GPHN: variants seen among roughly 807,000 people sequenced by gnomAD.
GPHN encodes gephyrin.
Under a neutral mutation model 95.5 loss-of-function variants are expected in GPHN, and 17 were observed. That is an observed-to-expected ratio of 0.18 (90% CI 0.12 to 0.27). The LOEUF (loss-of-function observed/expected upper bound fraction) is 0.27, where lower values mean the gene tolerates loss of function less well. Among genes scored for constraint, GPHN ranks in the 10% least tolerant of loss-of-function variants. The pLI is 1.00. For missense variants in GPHN, 660 were observed against 978.1 expected (o/e 0.67, Z 4.34); for synonymous variants, 320 against 322.5 (o/e 0.99, Z 0.08).
the GPHN span, chr14:67,374,751 C>A: frequency 2.6e-6 from 1 of 389,640 alleles, no homozygotes; most frequent in Non-Finnish European, 4.6e-6. Flanking sequence ...AGTTGGAATG[C>A]CTCATAAAAT....
the GPHN span, among the ~76,000 whole-genome samples, chr14:67,213,996 AC>A: frequency 1.3e-5 from 2 of 152,096 alleles, no homozygotes; most frequent in Non-Finnish European, 2.9e-5. Flanking sequence ...TCCTTCGCCC[AC>A]TTTTTGATGG....
At chr14:66,688,022 C>G (rs182314416) in intron 2 of GPHN, among the ~76,000 whole-genome samples, 60 of 152,238 alleles carry the variant, frequency 3.9e-4, no homozygotes, top group Middle Eastern at 3.4e-3. Flanking sequence ...TAATTACTAA[C>G]TAATAAGCTA....
chr14:66,757,735 G>A (rs528613672), intron 2 of GPHN, among the ~76,000 whole-genome samples: 55 of 152,224 alleles, frequency 3.6e-4, no homozygotes, highest in Admixed American at 3.5e-3. Flanking sequence ...AATCTGGTTG[G>A]CAGGGTAGGG....
the GPHN span, chr14:67,579,964 T>C: frequency 7.9e-7 from 1 of 1,262,350 alleles, no homozygotes; most frequent in East Asian, 2.5e-5. Flanking sequence ...GGTGTCTGAC[T>C]GTTTGGTAGC....
At position 66,691,476 on chromosome 14, in the gene GPHN, C is replaced by G. The variant is rs561560192; in HGVS notation, c.143+10291C>G. On this transcript the variant is annotated intron_variant, in intron 2 of 22. Coordinates refer to ENST00000478722, the MANE Select transcript of GPHN (RefSeq NM_020806.5). ...GGGATTACAGGTGTGAGCCACTGCACCTGACCCATGAACATTTTTAAGTGA... is the reference window on the plus strand; with the variant it reads ...GGGATTACAGGTGTGAGCCACTGCAGCTGACCCATGAACATTTTTAAGTGA... Among the ~76,000 whole-genome samples, 7 of 152,086 alleles carry G rather than the reference C, an allele frequency of 4.6e-5. No individual in the cohort carries two copies. In the South Asian group the frequency reaches 1.5e-3, roughly 32 times the overall value.
chr14:66,805,507 G>A (rs1162925584), intron 3 of GPHN, among the ~76,000 whole-genome samples: 3 of 152,172 alleles, frequency 2.0e-5, no homozygotes, highest in African/African-American at 7.2e-5. Context: ...TCCAAGACAA[G>A]TCAAGTCCCT....
chr14:66,819,620 GTTTTTTGCTTTTGTTTTTGT>G (rs1299143781), intron 3 of GPHN, among the ~76,000 whole-genome samples: 5 of 151,556 alleles, frequency 3.3e-5, no homozygotes, highest in Admixed American at 3.3e-4. Flanking sequence ...TTTTGTTTTT[GTTTTTTGCTTTTGTTTTTGT>G]TTTTTTGCTT....
chr14:66,955,782 C>T (rs1282703418), intron 8 of GPHN, among the ~76,000 whole-genome samples: 2 of 152,110 alleles, frequency 1.3e-5, no homozygotes, highest in Non-Finnish European at 2.9e-5. Flanking sequence ...TCAGTTCCCA[C>T]CTATGAGTGA....
the GPHN span, among the ~76,000 whole-genome samples, chr14:67,505,447 G>A: frequency 6.6e-6 from 1 of 152,212 alleles, no homozygotes; most frequent in Non-Finnish European, 1.5e-5. Flanking sequence ...TTGGCCATCT[G>A]CTGTTGGAGG....
At chr14:67,373,783 C>G in the GPHN span, among the ~76,000 whole-genome samples, 1 of 151,772 alleles carries the variant, frequency 6.6e-6, no homozygotes. Context: ...GTTTAAGCAC[C>G]TAACATAGTT....
chr14:67,639,093 C>T, the GPHN span, among the ~76,000 whole-genome samples: 27 of 152,204 alleles, frequency 1.8e-4, no homozygotes, highest in Admixed American at 3.3e-4. Context: ...CCTGAATTAG[C>T]GACTGAAATC....
At chr14:67,247,127 C>A in the GPHN span, among the ~76,000 whole-genome samples, 2 of 152,162 alleles carry the variant, frequency 1.3e-5, no homozygotes, top group Admixed American at 6.5e-5. Context: ...ATTTAGAGAT[C>A]AACCTGAAGA....
the GPHN span, among the ~76,000 whole-genome samples, chr14:67,388,716 GTCTT>G: frequency 6.6e-6 from 1 of 152,144 alleles, no homozygotes; most frequent in East Asian, 1.9e-4. Context: ...GTCTCACTCT[GTCTT>G]TCAGGCTGGA....
At chr14:66,685,978 T>C (rs892244599) in intron 2 of GPHN, among the ~76,000 whole-genome samples, 1 of 146,538 alleles carries the variant, frequency 6.8e-6, no homozygotes, top group African/African-American at 2.7e-5. Flanking sequence ...TAGCCAGTTT[T>C]CCCAGCACCA....
At chr14:67,057,455 G>C (rs1050890749) in intron 10 of GPHN, among the ~76,000 whole-genome samples, 2 of 151,728 alleles carry the variant, frequency 1.3e-5, no homozygotes, top group Admixed American at 6.6e-5. Flanking sequence ...GAGGGTTGCA[G>C]GGAAGGAGAG....
At chr14:66,906,346 T>C (rs942109895) in intron 5 of GPHN, among the ~76,000 whole-genome samples, 1 of 152,152 alleles carries the variant, frequency 6.6e-6, no homozygotes, top group Non-Finnish European at 1.5e-5. Context: ...ATGCTTCCCA[T>C]GGGTTAAGGC....
At chr14:67,026,119 G>T (rs550803953) in intron 10 of GPHN, among the ~76,000 whole-genome samples, 2 of 152,224 alleles carry the variant, frequency 1.3e-5, no homozygotes, top group African/African-American at 4.8e-5. Context: ...CTTATTTGCT[G>T]TGTGAACTTG....
At chr14:67,115,079 A>G (rs181913145) in intron 16 of GPHN, among the ~76,000 whole-genome samples, 4 of 152,274 alleles carry the variant, frequency 2.6e-5, no homozygotes, top group East Asian at 3.9e-4. Context: ...CAAGAGAATA[A>G]TGCTTCTAAA....
chr14:66,744,717 A>G (rs2058073395), intron 2 of GPHN, among the ~76,000 whole-genome samples: 1 of 152,192 alleles, frequency 6.6e-6, no homozygotes, highest in Non-Finnish European at 1.5e-5. Flanking sequence ...TTAAGATGTT[A>G]TTAGAGACAA....
Sources: allele counts gnomAD v4.1 joint callset (sites outside exome capture counted in the v4.1 genomes callset), GRCh38; gene constraint gnomAD v4.1.1; transcripts MANE v1.5; gene names NCBI Gene and HGNC (gene_info 2026-07-23, HGNC 2026-07-21).